Variants in CHD7 observed in about 807,000 individuals in gnomAD.
The protein encoded by CHD7 is ATP-dependent chromatin remodeler CHD7.
CHD7 carries 24 observed loss-of-function variants against 307.3 expected under a neutral mutation model. The observed-to-expected ratio is 0.08, with a 90% CI of 0.06 to 0.11. The LOEUF (loss-of-function observed/expected upper bound fraction) is 0.11, where lower values mean the gene tolerates loss of function less well. CHD7 is among the 10% of genes least tolerant of loss of function. The pLI, the probability that CHD7 is intolerant of heterozygous loss-of-function variation, is 1.00. For synonymous variants in CHD7, 1,363 were observed against 1,349.9 expected, an observed-to-expected ratio of 1.01 and a Z score of -0.21; for missense variants, 3,106 against 3,727.1, an observed-to-expected ratio of 0.83 and a Z score of 4.34.
intron 2 of CHD7, among the ~76,000 whole-genome samples, chr8:60,758,909 AC>A (rs1810025798): frequency 6.6e-6 from 1 of 152,212 alleles, no homozygotes; most frequent in African/African-American, 2.4e-5. Context: ...GAGTTGGCTT[AC>A]TTTTTTTCCT....
intron 8 of CHD7, among the ~76,000 whole-genome samples, chr8:60,817,861 G>A (rs1302819951): frequency 3.3e-5 from 5 of 152,164 alleles, no homozygotes; most frequent in Non-Finnish European, 7.3e-5. Context: ...GACCTTTTCT[G>A]TGGGCCAGGG....
chr8:60,822,056 G>T lies in CHD7; in HGVS notation c.2868G>T (p.Ser956=), dbSNP rs371363909. The T allele has an allele frequency of 3.1e-6, 5 of 1,613,660 alleles. No individual in the cohort carries two copies. The highest frequency in any genetic ancestry group is 4.2e-6 in the Non-Finnish European group (5 of 1,179,808). The change falls in exon 11 of 38, where the codon TCG becomes TCT. Residue 956 remains serine (S), a synonymous_variant. Coordinates refer to ENST00000423902, the MANE Select transcript of CHD7 (RefSeq NM_017780.4). ...CTCCTGCTGATGATTGGAAGAAATC[G>T]GAGAGTTCCAGGGAGTATAAAAACA... ...ERPPADDWKK[S]ESSREYKNNN...
rs532016674 is a variant in CHD7, at chr8:60,837,909, T to G, written c.4353+74T>G. On this transcript the variant is annotated intron_variant, in intron 18 of 37. Transcript: ENST00000423902. Reference sequence around the variant, plus strand: ...TATTTAACTAATAGTAAGAAATTACTCAGCCTTTGATTATTTTTCGACCTC... The same window carrying G: ...TATTTAACTAATAGTAAGAAATTACGCAGCCTTTGATTATTTTTCGACCTC... 7 of 1,413,120 alleles carry G rather than the reference T, an allele frequency of 5.0e-6. No homozygotes were observed. In the East Asian group the frequency reaches 7.1e-5, roughly 14 times the overall value. 87.5% of individuals were successfully genotyped at this position (1,413,120 alleles called of 1,614,324 possible). A position where few individuals can be genotyped will look rare whatever the true frequency, so the allele number is the denominator to read the frequency against.
chr8:60,845,449 T>A, intron 23 of CHD7, 40 bp downstream of exon 23: 1 of 1,585,674 alleles, frequency 6.3e-7, no homozygotes, highest in East Asian at 2.3e-5. Context: ...CTTAATTCCC[T>A]TTTTATTCTT....
intron 7 of CHD7, among the ~76,000 whole-genome samples, chr8:60,814,551 T>G (rs1563623587): frequency 6.6e-6 from 1 of 152,190 alleles, no homozygotes; most frequent in African/African-American, 2.4e-5. Flanking sequence ...GTTCAAGCAA[T>G]TCTCCCGCCT....
chr8:60,761,370 AC>A (rs1810195245), intron 2 of CHD7, among the ~76,000 whole-genome samples: 5 of 150,096 alleles, frequency 3.3e-5, no homozygotes, highest in Non-Finnish European at 7.4e-5. Flanking sequence ...GAGGGATAGC[AC>A]TGGGAGATAT....
chr8:60,722,992 T>A (rs1807985187), intron 1 of CHD7, among the ~76,000 whole-genome samples: 1 of 152,254 alleles, frequency 6.6e-6, no homozygotes, highest in Non-Finnish European at 1.5e-5. Flanking sequence ...TGGTCTATCT[T>A]GCACTTTGAA....
rs748842029 is a variant in CHD7, at chr8:60,743,076, G to A, written c.1644G>A (p.Pro548=). Residue 548 remains proline (P), a synonymous_variant, in exon 2 of 38, where the codon CCG becomes CCA. Transcript: ENST00000423902. The part of the protein sequence containing the change: ...AQLHPSPQNT[P]QKVPVHQHSP... ...TCCACCCATCACCCCAGAACACCCC[G>A]CAGAAAGTGCCTGTGCATCAGGTAA... The A allele has an allele frequency of 1.4e-5, 22 of 1,613,444 alleles. No homozygotes were observed. The highest frequency in any genetic ancestry group is 8.0e-5 in the African/African-American group (6 of 75,046).
rs746128427 is a variant in CHD7 at position 60,865,678 on chromosome 8, G to C, written c.8739G>C (p.Leu2913=). Residue 2913 remains leucine (L), a synonymous_variant, in exon 38 of 38, where the codon CTG becomes CTC. Coordinates refer to ENST00000423902, the MANE Select transcript of CHD7 (RefSeq NM_017780.4). This position sits in a 1 kb window ranked among gnomAD's most constrained non-coding sequence, Gnocchi z 4.3. ...FYPSMFLPPG[L]GGLTLPGFPA... ...CATCCATGTTTCTACCTCCAGGACT[G>C]GGGGGATTGACGCTGCCTGGGTTCC... 7.5e-6 allele frequency: 12 copies of C among 1,606,274 alleles called. No individual in the cohort carries two copies. Among genetic ancestry groups the C allele is most frequent in the Admixed American group, 6.7e-5 (4 of 59,498 alleles).
intron 1 of CHD7, among the ~76,000 whole-genome samples, chr8:60,733,953 G>T (rs963955086): frequency 6.6e-6 from 1 of 152,102 alleles, no homozygotes; most frequent in Non-Finnish European, 1.5e-5. Context: ...AAACAGATGG[G>T]CATATCTTTA....
At chr8:60,776,026 C>T (rs910783270) in intron 2 of CHD7, among the ~76,000 whole-genome samples, 3 of 152,218 alleles carry the variant, frequency 2.0e-5, no homozygotes, top group Non-Finnish European at 4.4e-5. Flanking sequence ...TCCCAAAGTG[C>T]TGGGATTACA....
At chr8:60,794,663 A>G (rs1811932156) in intron 3 of CHD7, among the ~76,000 whole-genome samples, 1 of 152,246 alleles carries the variant, frequency 6.6e-6, no homozygotes, top group African/African-American at 2.4e-5. Flanking sequence ...TCTGTACCTT[A>G]AAAATTCGAT....
At chr8:60,715,088 T>C (rs1295698591) in intron 1 of CHD7, among the ~76,000 whole-genome samples, 3 of 152,224 alleles carry the variant, frequency 2.0e-5, no homozygotes, top group Non-Finnish European at 4.4e-5. Flanking sequence ...AGAAATGTGA[T>C]TGGAGAAAGA....
At chr8:60,831,991 G>A (rs750654794) in intron 15 of CHD7, among the ~76,000 whole-genome samples, 9 of 151,866 alleles carry the variant, frequency 5.9e-5, no homozygotes, top group African/African-American at 2.2e-4. Context: ...GTGATGCGAC[G>A]AATCAGTGAA....
intron 37 of CHD7, chr8:60,863,724 A>G (rs557096136): frequency 1.4e-4 from 21 of 150,478 alleles, no homozygotes; most frequent in Admixed American, 1.3e-3. Context: ...CTCCCATACA[A>G]TATCTTTTTT....
chr8:60,741,049 A>G (rs1808973080), intron 1 of CHD7, among the ~76,000 whole-genome samples: 1 of 152,198 alleles, frequency 6.6e-6, no homozygotes, highest in South Asian at 2.1e-4. Context: ...CTTGCTTTCT[A>G]AGTAACCGAT....
At chr8:60,727,259 T>G (rs1808214246) in intron 1 of CHD7, among the ~76,000 whole-genome samples, 1 of 152,126 alleles carries the variant, frequency 6.6e-6, no homozygotes, top group Non-Finnish European at 1.5e-5. Context: ...CCCCAGTAGC[T>G]GGGACTACAG....
intron 1 of CHD7, among the ~76,000 whole-genome samples, chr8:60,740,179 G>T (rs1314545108): frequency 1.3e-5 from 2 of 152,204 alleles, no homozygotes; most frequent in African/African-American, 4.8e-5. Flanking sequence ...TACACAGTGC[G>T]CTGGAAGCAC....
chr8:60,745,685 A>G (rs1032212126), intron 2 of CHD7, among the ~76,000 whole-genome samples: 3 of 152,198 alleles, frequency 2.0e-5, no homozygotes, highest in African/African-American at 7.2e-5. Context: ...TGAAACACTC[A>G]GTTTTGAACA....
Sources: gnomAD v4.1 joint callset for allele counts (sites outside exome capture counted in the v4.1 genomes callset) on GRCh38, gnomAD v4.1.1 for gene constraint, Gnocchi (gnomAD v3.1) non-coding constraint, MANE v1.5 for transcripts, NCBI Gene and HGNC (gene_info 2026-07-23, HGNC 2026-07-21) for gene names.